Variants in NLK observed in about 807,000 individuals in gnomAD.
NLK encodes serine/threonine-protein kinase NLK.
NLK carries 11 observed loss-of-function variants against 59.0 expected under a neutral mutation model. The observed-to-expected ratio is 0.19, with a 90% CI of 0.12 to 0.31. NLK has a LOEUF of 0.31. Ranked by LOEUF, NLK falls within the 10% of genes least tolerant of loss-of-function variation. NLK has a pLI of 1.00. For synonymous variants in NLK, 235 were observed against 235.9 expected (o/e 1.00, Z 0.03); for missense variants, 410 against 661.1 (o/e 0.62, Z 4.16).
At chr17:28,043,398 TC>T in intron 1 of NLK, 67 bp downstream of exon 1, 1 of 1,317,874 alleles carries the variant, frequency 7.6e-7, no homozygotes, top group Non-Finnish European at 1.0e-6. Flanking sequence ...GATGAGTCCA[TC>T]TCTAATGGTT....
chr17:28,070,850 T>C (rs1909983251), intron 1 of NLK, among the ~76,000 whole-genome samples: 1 of 152,228 alleles, frequency 6.6e-6, no homozygotes, highest in Admixed American at 6.5e-5. Context: ...CCTTATTGAA[T>C]AGCCTTGCTC....
intron 1 of NLK, among the ~76,000 whole-genome samples, chr17:28,092,234 G>C (rs1461171586): frequency 7.0e-6 from 1 of 142,688 alleles, no homozygotes; most frequent in Non-Finnish European, 1.5e-5. Flanking sequence ...GTGTTGCTCA[G>C]AGCTTTTTTT....
intron 1 of NLK, among the ~76,000 whole-genome samples, chr17:28,063,209 G>A (rs1909723869): frequency 6.6e-6 from 1 of 152,212 alleles, no homozygotes; most frequent in South Asian, 2.1e-4. Flanking sequence ...TGGGATTACA[G>A]GCATAAGCCA....
Position 28,096,062 on chromosome 17 carries a change from C to T in NLK, c.459-26541C>T, listed in dbSNP as rs1904690084. Among the ~76,000 whole-genome samples the T allele has an allele frequency of 2.0e-5, 3 of 152,270 alleles. No individual in the cohort carries two copies. In the South Asian group the frequency reaches 6.2e-4, roughly 32 times the overall value. On this transcript the variant is annotated intron_variant, in intron 1 of 10. Transcript: ENST00000407008. The stretch of plus-strand genomic sequence containing the variant: ...AAGTGTAATTGTACATTCATGATGA[C>T]GTCTTGCTTATTAAATGGTGACATT...
At chr17:28,182,426 T>C (rs1358205157) in intron 7 of NLK, among the ~76,000 whole-genome samples, 1 of 152,224 alleles carries the variant, frequency 6.6e-6, no homozygotes, top group African/African-American at 2.4e-5. Context: ...CTCCTGTTTC[T>C]GGTGTTGTGG....
intron 2 of NLK, among the ~76,000 whole-genome samples, chr17:28,123,468 G>C (rs572125042): frequency 6.6e-6 from 1 of 152,032 alleles, no homozygotes; most frequent in Non-Finnish European, 1.5e-5. Flanking sequence ...TTGATTGACA[G>C]GTAAATATTG....
At chr17:28,080,857 T>C (rs1910320047) in intron 1 of NLK, among the ~76,000 whole-genome samples, 1 of 152,184 alleles carries the variant, frequency 6.6e-6, no homozygotes, top group Non-Finnish European at 1.5e-5. Flanking sequence ...TCAAGGAGCT[T>C]AGTTCCTTGA....
intron 1 of NLK, among the ~76,000 whole-genome samples, chr17:28,114,398 A>T (rs1236906036): frequency 6.6e-6 from 1 of 152,286 alleles, no homozygotes; most frequent in South Asian, 2.1e-4. Flanking sequence ...TCAACAAAAC[A>T]TTTGCTATTG....
intron 1 of NLK, among the ~76,000 whole-genome samples, chr17:28,079,998 A>G (rs1453207034): frequency 6.6e-6 from 1 of 152,194 alleles, no homozygotes; most frequent in Non-Finnish European, 1.5e-5. Context: ...TGTATGTGAT[A>G]TAAGCTAAGG....
At chr17:28,138,828 A>G (rs1597704134) in intron 3 of NLK, among the ~76,000 whole-genome samples, 1 of 152,232 alleles carries the variant, frequency 6.6e-6, no homozygotes, top group Non-Finnish European at 1.5e-5. Flanking sequence ...TTAGAACAGT[A>G]CCTGACATAA....
intron 1 of NLK, among the ~76,000 whole-genome samples, chr17:28,121,416 A>C (rs1321644524): frequency 6.7e-6 from 1 of 149,866 alleles, no homozygotes; most frequent in Admixed American, 6.7e-5. Context: ...CTCTAGGTTA[A>C]TTCATGGAAA....
chr17:28,107,850 CA>C (rs1386832217), intron 1 of NLK, among the ~76,000 whole-genome samples: 7 of 152,038 alleles, frequency 4.6e-5, no homozygotes, highest in African/African-American at 1.7e-4. Context: ...CTTGTGCTCT[CA>C]AGGGTTTATA....
intron 7 of NLK, among the ~76,000 whole-genome samples, chr17:28,174,782 G>A (rs1908606674): frequency 6.6e-6 from 1 of 152,058 alleles, no homozygotes; most frequent in Non-Finnish European, 1.5e-5. Context: ...GGTTCTTGAA[G>A]CTCTTTACTT....
At position 28,123,554 on chromosome 17, in the gene NLK, A is replaced by G. The variant is rs35033114; in HGVS notation, c.588+822A>G. ...ACAAAAATAGAGTGTAGTGATTTAT[A>G]TAGTGAGTGATTTAAGTGGAAATAA... On this transcript the variant is annotated intron_variant, in intron 2 of 10. Transcript: ENST00000407008. Among the ~76,000 whole-genome samples, 1,001 of 152,322 alleles carry G rather than the reference A, an allele frequency of 6.6e-3. 17 individuals are homozygous for G. The highest frequency in any genetic ancestry group is 0.022 in the African/African-American group (932 of 41,580).
At chr17:28,189,001 AC>A (rs1236003430) in intron 8 of NLK, among the ~76,000 whole-genome samples, 28 of 152,086 alleles carry the variant, frequency 1.8e-4, no homozygotes, top group African/African-American at 6.3e-4. Flanking sequence ...ACACACACAC[AC>A]ACACACACAC....
chr17:28,202,729 C>G, the NLK span, among the ~76,000 whole-genome samples: 1 of 148,066 alleles, frequency 6.8e-6, no homozygotes, highest in Admixed American at 6.9e-5. Context: ...GTCACCCAGG[C>G]TAGAGTGCAA....
chr17:28,053,917 C>T (rs1318952250), intron 1 of NLK, among the ~76,000 whole-genome samples: 1 of 152,100 alleles, frequency 6.6e-6, no homozygotes, highest in African/African-American at 2.4e-5. Context: ...CAAAAGTACC[C>T]AAAGGGTACA....
At chr17:28,204,122 T>A in the NLK span, among the ~76,000 whole-genome samples, 2 of 152,238 alleles carry the variant, frequency 1.3e-5, no homozygotes, top group Non-Finnish European at 2.9e-5. Context: ...ACTGTCACAA[T>A]TATATGAAGT....
intron 1 of NLK, among the ~76,000 whole-genome samples, chr17:28,100,946 C>T (rs1306535661): frequency 1.3e-5 from 2 of 152,046 alleles, no homozygotes; most frequent in Admixed American, 6.5e-5. Context: ...ATCTGGCCAA[C>T]GTTGAAGTTG....
Sources: gnomAD v4.1 joint callset for allele counts (sites outside exome capture counted in the v4.1 genomes callset) on GRCh38, gnomAD v4.1.1 for gene constraint, MANE v1.5 for transcripts, NCBI Gene and HGNC (gene_info 2026-07-23, HGNC 2026-07-21) for gene names.